The following NPFFR2 variants were observed in gnomAD, a reference collection of about 807,000 sequenced individuals.
NPFFR2 encodes the protein neuropeptide FF receptor 2.
Under a neutral mutation model 13.1 loss-of-function variants are expected in NPFFR2, and 15 were observed. The observed-to-expected ratio is 1.15, with a 90% confidence interval of 0.77 to 1.76. The LOEUF (loss-of-function observed/expected upper bound fraction) is 1.76, where lower values mean the gene tolerates loss of function less well. Ranked by LOEUF, NPFFR2 falls within the 40% of genes most tolerant of loss-of-function variation. NPFFR2 has a pLI of 0.00. For missense variants in NPFFR2, 572 were observed against 503.5 expected, an observed-to-expected ratio of 1.14 and a Z score of -1.30; for synonymous variants, 190 against 175.7, an observed-to-expected ratio of 1.08 and a Z score of -0.65.
chr4:72,048,756 T>C (rs1719457418), intron 1 of NPFFR2, among the ~76,000 whole-genome samples: 1 of 152,094 alleles, frequency 6.6e-6, no homozygotes. Context: ...TTTCAATATT[T>C]TTCTACTACT....
chr4:72,053,796 T>A (rs1042502774), intron 1 of NPFFR2, among the ~76,000 whole-genome samples: 2 of 151,894 alleles, frequency 1.3e-5, no homozygotes, highest in Admixed American at 6.6e-5. Flanking sequence ...GCACTAGCTA[T>A]ATCTCCAGTA....
intron 1 of NPFFR2, among the ~76,000 whole-genome samples, chr4:72,070,241 A>G (rs1720203634): frequency 6.6e-6 from 1 of 152,166 alleles, no homozygotes. Flanking sequence ...TCATTGAAAT[A>G]AGAATTATTA....
chr4:72,062,584 G>T (rs1271710552), intron 1 of NPFFR2, among the ~76,000 whole-genome samples: 1 of 151,154 alleles, frequency 6.6e-6, no homozygotes, highest in Non-Finnish European at 1.5e-5. Flanking sequence ...CCTTTCCAAT[G>T]TGAAATTGTA....
chr4:72,111,286 A>G (rs1578462327), intron 1 of NPFFR2, among the ~76,000 whole-genome samples: 2 of 152,046 alleles, frequency 1.3e-5, no homozygotes, highest in African/African-American at 4.8e-5. Context: ...TACTTCTGGC[A>G]ATATAGTAAA....
At chr4:72,052,785 CTT>C (rs1169779861) in intron 1 of NPFFR2, among the ~76,000 whole-genome samples, 2 of 151,968 alleles carry the variant, frequency 1.3e-5, no homozygotes, top group Non-Finnish European at 2.9e-5. Context: ...AATCTATTCT[CTT>C]TGAAGCCTGC....
At chr4:72,108,903 C>A (rs1414670613) in intron 1 of NPFFR2, among the ~76,000 whole-genome samples, 1 of 151,946 alleles carries the variant, frequency 6.6e-6, no homozygotes, top group African/African-American at 2.4e-5. Context: ...TGTTTTTAAT[C>A]AATGGGAGGA....
chr4:72,130,127 C>T (rs1323150258), intron 2 of NPFFR2, among the ~76,000 whole-genome samples: 3 of 151,828 alleles, frequency 2.0e-5, no homozygotes, highest in African/African-American at 7.3e-5. Flanking sequence ...AAAATGGAGT[C>T]TCCTATGTCT....
chr4:72,040,786 A>G (rs985496785), intron 1 of NPFFR2, among the ~76,000 whole-genome samples: 6 of 151,912 alleles, frequency 3.9e-5, no homozygotes, highest in African/African-American at 1.4e-4. Context: ...TTTATCTTCC[A>G]AAAATCAGGC....
At chr4:72,101,272 C>T (rs76538259) in intron 1 of NPFFR2, among the ~76,000 whole-genome samples, 3,194 of 151,954 alleles carry the variant, frequency 0.021, 114 homozygotes, top group African/African-American at 0.073. Context: ...ATAAGATATT[C>T]CTATGCCTAT....
At position 72,128,801 on chromosome 4, in the gene NPFFR2, A is replaced by T; in HGVS notation, c.210A>T (p.Val70=). 6.2e-7 allele frequency: 1 copy of T among 1,614,076 alleles called. No homozygotes were observed. Among genetic ancestry groups the T allele is most frequent in the African/African-American group, 1.3e-5 (1 of 75,036 alleles). ...GAAATACTGTGGTTTGCTTTATTGT[A>T]ATGAGGAACAAACATATGCACACAG... ...MMGNTVVCFI[V]MRNKHMHTVT... Residue 70 remains valine (V), a synonymous_variant, in exon 2 of 4, where the codon GTA becomes GTT. Coordinates refer to ENST00000308744, the MANE Select transcript of NPFFR2 (RefSeq NM_004885.3).
intron 1 of NPFFR2, among the ~76,000 whole-genome samples, chr4:72,061,885 A>G (rs7658588): frequency 0.96 from 146,146 of 152,156 alleles, 70,475 homozygotes; most frequent in East Asian, 1. Context: ...GACCACCATG[A>G]CACATGTATA....
intron 1 of NPFFR2, among the ~76,000 whole-genome samples, chr4:72,073,729 G>A (rs1460633784): frequency 3.3e-5 from 5 of 151,760 alleles, no homozygotes; most frequent in East Asian, 1.9e-4. Flanking sequence ...TTATAACATC[G>A]ACAACTAAAA....
chr4:72,055,515 A>G (rs1480714437), intron 1 of NPFFR2, among the ~76,000 whole-genome samples: 1 of 151,938 alleles, frequency 6.6e-6, no homozygotes, highest in Non-Finnish European at 1.5e-5. Flanking sequence ...AGACAAAACG[A>G]TATCAAAATT....
At chr4:72,066,921 C>T (rs985354706) in intron 1 of NPFFR2, among the ~76,000 whole-genome samples, 1 of 152,156 alleles carries the variant, frequency 6.6e-6, no homozygotes, top group Non-Finnish European at 1.5e-5. Context: ...GATCTAGGCT[C>T]TCTGAGGTGG....
chr4:72,140,728 TGG>T (rs1196815140), intron 3 of NPFFR2, among the ~76,000 whole-genome samples: 1 of 152,016 alleles, frequency 6.6e-6, no homozygotes, highest in African/African-American at 2.4e-5. Flanking sequence ...CTCTTTTTTT[TGG>T]GGGGTGTCTC....
chr4:72,142,272 C>T (rs762924800), intron 3 of NPFFR2, among the ~76,000 whole-genome samples: 5 of 152,112 alleles, frequency 3.3e-5, no homozygotes, highest in East Asian at 3.9e-4. Flanking sequence ...AGGTTAATAG[C>T]GTTATATTTG....
intron 1 of NPFFR2, among the ~76,000 whole-genome samples, chr4:72,067,482 A>C (rs1318506642): frequency 1.3e-5 from 2 of 152,186 alleles, no homozygotes; most frequent in Non-Finnish European, 2.9e-5. Flanking sequence ...CCTTCTATTC[A>C]TAATAATCTT....
intron 1 of NPFFR2, among the ~76,000 whole-genome samples, chr4:72,077,356 C>T (rs7669139): frequency 2.0e-5 from 3 of 151,766 alleles, no homozygotes; most frequent in African/African-American, 7.3e-5. Context: ...TAGGGCCTGT[C>T]ATGGGCCAGG....
At chr4:72,077,751 G>A (rs9997469) in intron 1 of NPFFR2, among the ~76,000 whole-genome samples, 135,981 of 152,116 alleles carry the variant, frequency 0.89, 61,815 homozygotes, top group Non-Finnish European at 0.98. Context: ...ACTTTTCTTG[G>A]GGCTTTAATT....
Sources: allele counts gnomAD v4.1 joint callset (sites outside exome capture counted in the v4.1 genomes callset), GRCh38; gene constraint gnomAD v4.1.1; transcripts MANE v1.5; gene names NCBI Gene and HGNC (gene_info 2026-07-23, HGNC 2026-07-21).